DDX50: variants seen among roughly 807,000 people sequenced by gnomAD.
The protein encoded by DDX50 is ATP-dependent RNA helicase DDX50.
In DDX50, 56 loss-of-function variants were observed where a neutral mutation model predicts 94.8. The observed-to-expected ratio is 0.59, with a 90% CI of 0.48 to 0.74. The LOEUF is 0.74. Among genes scored for constraint, DDX50 ranks in the 30% least tolerant of loss-of-function variants. DDX50 has a pLI of 0.00. For synonymous variants in DDX50, 264 were observed against 295.4 expected, an observed-to-expected ratio of 0.89 and a Z score of 1.09; for missense variants, 713 against 881.2, an observed-to-expected ratio of 0.81 and a Z score of 2.42.
At chr10:68,924,446 T>G (rs1366709298) in intron 8 of DDX50, among the ~76,000 whole-genome samples, 2 of 152,174 alleles carry the variant, frequency 1.3e-5, no homozygotes, top group Non-Finnish European at 2.9e-5. Context: ...TGTTCCCAGC[T>G]TATTCTGCCT....
chr10:68,931,661 G>A (rs773426036), intron 8 of DDX50, among the ~76,000 whole-genome samples: 4 of 151,248 alleles, frequency 2.6e-5, no homozygotes, highest in Non-Finnish European at 5.9e-5. Flanking sequence ...CTGACCTCAG[G>A]TGATCCACCT....
At chr10:68,907,674 T>C (rs921119715) in intron 2 of DDX50, among the ~76,000 whole-genome samples, 14 of 152,134 alleles carry the variant, frequency 9.2e-5, no homozygotes, top group African/African-American at 2.9e-4. Flanking sequence ...TTCATATACA[T>C]TTGAGCTTAA....
intron 12 of DDX50, among the ~76,000 whole-genome samples, chr10:68,937,393 G>C (rs895816718): frequency 3.3e-5 from 2 of 60,490 alleles, no homozygotes; most frequent in African/African-American, 7.0e-5. Flanking sequence ...GCTCTAATTT[G>C]TAATTAAAAA....
In DDX50 at chr10:68,901,400, C is replaced by A; in HGVS notation, c.16C>A (p.Leu6Ile). The A allele has an allele frequency of 6.4e-7, 1 of 1,564,218 alleles. No individual in the cohort carries two copies. The highest frequency in any genetic ancestry group is 2.4e-5 in the East Asian group (1 of 41,382). Residue 6 changes from leucine to isoleucine, a missense_variant, in exon 1 of 15, where the codon CTC becomes ATC. Coordinates refer to ENST00000373585, the MANE Select transcript of DDX50 (RefSeq NM_024045.2). ...GTGGCCAGTAATGCCTGGGAAACTC[C>A]TCTGGGGGGACATTATGGAGCTGGA... Reference protein sequence around the residue: MPGKLLWGDIMELEAP... With the variant: MPGKLIWGDIMELEAP...
Position 68,946,667 on chromosome 10 carries a change from A to T in DDX50, c.*37A>T. ...TTAATCTACCAGTGTGAGCTTGCCT[A>T]TTTCTGCCTAATCATGTACATTATC... On this transcript the variant is annotated 3_prime_UTR_variant, in exon 15 of 15. Coordinates refer to ENST00000373585, the MANE Select transcript of DDX50 (RefSeq NM_024045.2). 6.3e-7 allele frequency: 1 copy of T among 1,589,038 alleles called. No homozygotes were observed. Among genetic ancestry groups the T allele is most frequent in the Non-Finnish European group, 8.6e-7 (1 of 1,165,302 alleles).
At position 68,907,004 on chromosome 10, in the gene DDX50, G is replaced by A; in HGVS notation, c.381G>A (p.Glu127=). The part of the protein sequence containing the change: ...STHKSSDNKL[E]ETLTREQKEG... ...ATAAATCAAGTGATAATAAACTAGAGGAGGTATGGAAGCTTTTTATTTTGC... is the reference window on the plus strand; with the variant it reads ...ATAAATCAAGTGATAATAAACTAGAAGAGGTATGGAAGCTTTTTATTTTGC... Residue 127 remains glutamate (E), a synonymous_variant, in exon 2 of 15, where the codon GAG becomes GAA. Coordinates refer to ENST00000373585, the MANE Select transcript of DDX50 (RefSeq NM_024045.2). 1 of 1,574,030 alleles carries A rather than the reference G, an allele frequency of 6.4e-7. No homozygotes were observed.
At chr10:68,916,259 C>G (rs946652511) in intron 7 of DDX50, among the ~76,000 whole-genome samples, 6 of 148,000 alleles carry the variant, frequency 4.1e-5, no homozygotes, top group African/African-American at 1.5e-4. Context: ...CAGGCTGAGG[C>G]AGGAGAATTG....
At chr10:68,924,996 C>G (rs949416897) in intron 8 of DDX50, among the ~76,000 whole-genome samples, 7 of 151,496 alleles carry the variant, frequency 4.6e-5, no homozygotes, top group Non-Finnish European at 1.0e-4. Flanking sequence ...AGTATGCTTT[C>G]AAGATGTCAG....
rs138111917 is a variant in DDX50, at chr10:68,901,393, G to A, written c.9G>A (p.Gly3=). 56 of 1,556,366 alleles carry A rather than the reference G, an allele frequency of 3.6e-5. No individual in the cohort carries two copies. The highest frequency in any genetic ancestry group is 4.3e-5 in the Non-Finnish European group (50 of 1,150,958). Residue 3 remains glycine (G), a synonymous_variant, in exon 1 of 15, where the codon GGG becomes GGA. Coordinates refer to ENST00000373585, the MANE Select transcript of DDX50 (RefSeq NM_024045.2). MP[G]KLLWGDIMEL... is the part of the protein sequence containing the mutation. ...GGCGGCGGTGGCCAGTAATGCCTGG[G>A]AAACTCCTCTGGGGGGACATTATGG...
Position 68,910,289 on chromosome 10 carries a change from T to C in DDX50, c.385-18T>C, listed in dbSNP as rs1841587145. On this transcript the variant is annotated intron_variant, in intron 2 of 14. Coordinates refer to ENST00000373585, the MANE Select transcript of DDX50 (RefSeq NM_024045.2). ...AGTTGAGTATAAATTATTTAGGCCA[T>C]TGATTTCATTTTTACAGACCTTAAC... is the stretch of plus-strand genomic sequence containing the variant. The C allele has an allele frequency of 6.3e-7, 1 of 1,578,158 alleles. No homozygotes were observed. The highest frequency in any genetic ancestry group is 1.4e-5 in the African/African-American group (1 of 72,632).
intron 14 of DDX50, among the ~76,000 whole-genome samples, chr10:68,945,877 G>C (rs1007330110): frequency 2.6e-5 from 4 of 152,102 alleles, no homozygotes; most frequent in Admixed American, 1.3e-4. Flanking sequence ...TTTGTGCTGA[G>C]ATACCAAATA....
rs1564612660 is a variant in DDX50, at chr10:68,929,305, CTCTCTCTCTT to C, written c.1240-4890_1240-4881del. Among the ~76,000 whole-genome samples the C allele has an allele frequency of 2.5e-3, 356 of 144,300 alleles. 1 individual carries two copies. The highest frequency in any genetic ancestry group is 9.4e-3 in the African/African-American group (334 of 35,640). The allele number at this position is 144,300 out of a possible 152,430, so 94.7% of individuals were successfully genotyped here. ...CCTTCCTTCCTTCCTCTCTCTCTCT[CTCTCTCTCTT>C]TCTTTCTCTTTCTTTCTTTCCTTCC... On this transcript the variant is annotated intron_variant, in intron 8 of 14. Transcript: ENST00000373585.
At chr10:68,929,254 T>C (rs1842170705) in intron 8 of DDX50, among the ~76,000 whole-genome samples, 3 of 76,508 alleles carry the variant, frequency 3.9e-5, no homozygotes, top group Admixed American at 3.6e-4. Context: ...GCCTGGTCCC[T>C]TCCTTCCTTC....
chr10:68,907,580 T>G (rs1841497476), intron 2 of DDX50, among the ~76,000 whole-genome samples: 1 of 152,044 alleles, frequency 6.6e-6, no homozygotes, highest in Admixed American at 6.6e-5. Flanking sequence ...GCTTCCCAAA[T>G]TGCTGGGATT....
At chr10:68,932,376 T>G (rs1041281673) in intron 8 of DDX50, among the ~76,000 whole-genome samples, 1 of 152,084 alleles carries the variant, frequency 6.6e-6, no homozygotes, top group African/African-American at 2.4e-5. Flanking sequence ...TCTCCTGCCT[T>G]AACCTCTCGA....
At chr10:68,917,217 T>C (rs913447811) in intron 7 of DDX50, among the ~76,000 whole-genome samples, 3 of 151,980 alleles carry the variant, frequency 2.0e-5, no homozygotes, top group African/African-American at 7.2e-5. Flanking sequence ...CCCAGCACTT[T>C]GGGAGGACGA....
chr10:68,941,735 G>A (rs1338419873), intron 13 of DDX50, among the ~76,000 whole-genome samples: 1 of 152,070 alleles, frequency 6.6e-6, no homozygotes, highest in Non-Finnish European at 1.5e-5. Flanking sequence ...TGCCTCCTGG[G>A]TTCAAGCAGT....
rs1250818752 is a variant in DDX50, at chr10:68,914,190, G to A, written c.1075G>A (p.Ala359Thr). Residue 359 changes from alanine (A) to threonine (T), a missense_variant, in exon 7 of 15, where the codon GCA becomes ACA. Ala to Thr is a moderately conservative substitution (Grantham distance 58, BLOSUM62 0). This residue lies in a region of DDX50 where 428 missense variants were observed against 602.3 expected (regional missense o/e 0.71). Coordinates refer to ENST00000373585, the MANE Select transcript of DDX50 (RefSeq NM_024045.2). ...DLVGKMTQKA[A>T]TTVEHLAIQC... ...TGTTGGAAAAATGACTCAAAAGGCTGCAACTACTGTGGAAGTAAGTAGCTT... is the reference window on the plus strand; with the variant it reads ...TGTTGGAAAAATGACTCAAAAGGCTACAACTACTGTGGAAGTAAGTAGCTT... 1.9e-6 allele frequency: 3 copies of A among 1,610,312 alleles called. No individual in the cohort carries two copies. Among genetic ancestry groups the A allele is most frequent in the Non-Finnish European group, 2.5e-6 (3 of 1,178,928 alleles).
At chr10:68,927,661 T>C (rs1842125619) in intron 8 of DDX50, among the ~76,000 whole-genome samples, 1 of 152,198 alleles carries the variant, frequency 6.6e-6, no homozygotes, top group Admixed American at 6.5e-5. Context: ...ATTAAAAAAA[T>C]ATATATTTGC....
Sources: allele counts gnomAD v4.1 joint callset (sites outside exome capture counted in the v4.1 genomes callset), GRCh38; gene constraint gnomAD v4.1.1; regional missense constraint gnomAD v4.1.1; transcripts MANE v1.5; gene names NCBI Gene and HGNC (gene_info 2026-07-23, HGNC 2026-07-21).